MYZAP: variants seen among roughly 807,000 people sequenced by gnomAD.
MYZAP encodes the protein GRINL1A complex locus upstream.
Under a neutral mutation model 69.4 loss-of-function variants are expected in MYZAP, and 66 were observed. The observed-to-expected ratio is 0.95, with a 90% CI of 0.78 to 1.17. The LOEUF (loss-of-function observed/expected upper bound fraction) is 1.17, where lower values mean the gene tolerates loss of function less well. Ranked by LOEUF, MYZAP falls within the 50% of genes most tolerant of loss-of-function variation. The pLI, the probability that MYZAP is intolerant of heterozygous loss-of-function variation, is 0.00. For synonymous variants in MYZAP, 256 were observed against 205.9 expected, an observed-to-expected ratio of 1.24 and a Z score of -2.09; for missense variants, 611 against 556.2, an observed-to-expected ratio of 1.10 and a Z score of -0.99.
At chr15:57,661,360 G>A in intron 10 of MYZAP, 90 bp from the exon 11 acceptor site, 2 of 968,144 alleles carry the variant, frequency 2.1e-6, no homozygotes, top group South Asian at 1.5e-5. Flanking sequence ...AAAAATAAAT[G>A]AAAACCAAGG....
intron 6 of MYZAP, among the ~76,000 whole-genome samples, chr15:57,630,764 T>C (rs1284862019): frequency 6.6e-6 from 1 of 152,204 alleles, no homozygotes; most frequent in African/African-American, 2.4e-5. Context: ...ATGAATTCCT[T>C]TTTATGTAAG....
At chr15:57,679,340 T>TTTTGTGTGTG (rs573596736) in intron 12 of MYZAP, among the ~76,000 whole-genome samples, 3 of 125,512 alleles carry the variant, frequency 2.4e-5, no homozygotes, top group African/African-American at 5.8e-5. Flanking sequence ...TTTCACCTCT[T>TTTTGTGTGTG]TGTGTGTGTG....
chr15:57,592,412 C>T (rs2033734405), intron 1 of MYZAP, among the ~76,000 whole-genome samples: 1 of 152,186 alleles, frequency 6.6e-6, no homozygotes. Flanking sequence ...TGAAGGAAGA[C>T]ATTTGTGCAG....
chr15:57,658,885 T>A (rs574991521), intron 10 of MYZAP, among the ~76,000 whole-genome samples: 1 of 152,218 alleles, frequency 6.6e-6, no homozygotes, highest in Non-Finnish European at 1.5e-5. Flanking sequence ...GATTTTCTAA[T>A]TCTGTCATTC....
intron 4 of MYZAP, 131 bp downstream of exon 4, chr15:57,621,831 T>G: frequency 6.5e-6 from 5 of 773,894 alleles, no homozygotes; most frequent in African/African-American, 1.8e-5. Flanking sequence ...TTAAATAAAC[T>G]GAGAAAATTT....
rs540230263 is a variant in MYZAP, at chr15:57,612,804, C to G, written c.163-5229C>G. On this transcript the variant is annotated intron_variant, in intron 2 of 12. Coordinates refer to ENST00000267853, the MANE Select transcript of MYZAP (RefSeq NM_001018100.5). Reference sequence around the variant, plus strand: ...ATGGGGCCTGTAGGTAGAATTTATGCTGTGAGTACTCACAGGAAACAGCTT... The same window carrying G: ...ATGGGGCCTGTAGGTAGAATTTATGGTGTGAGTACTCACAGGAAACAGCTT... Among the ~76,000 whole-genome samples, 81 of 152,316 alleles carry G rather than the reference C, an allele frequency of 5.3e-4. 2 individuals carry two copies. Among genetic ancestry groups the G allele is most frequent in the Admixed American group, 2.4e-3 (37 of 15,302 alleles).
chr15:57,633,637 G>A lies in MYZAP; in HGVS notation c.829G>A (p.Ala277Thr). The A allele has an allele frequency of 6.2e-7, 1 of 1,613,118 alleles. No individual in the cohort carries two copies. Among genetic ancestry groups the A allele is most frequent in the Non-Finnish European group, 8.5e-7 (1 of 1,179,576 alleles). ...GGAAGAAACCAATAGTTTTCTGAAAGCGATTGAAGAAGCCAATAAAAAGAT... is the reference window on the plus strand; with the variant it reads ...GGAAGAAACCAATAGTTTTCTGAAAACGATTGAAGAAGCCAATAAAAAGAT... Reference protein sequence around the residue: ...LLEETNSFLKAIEEANKKMQA... With the variant: ...LLEETNSFLKTIEEANKKMQA... Residue 277 changes from alanine (A) to threonine (T), a missense_variant, in exon 8 of 13, where the codon GCG (alanine) becomes ACG (threonine). Physicochemically the swap from Ala to Thr is moderately conservative, Grantham distance 58. Transcript: ENST00000267853.
At chr15:57,655,375 A>C (rs1595916022) in intron 10 of MYZAP, among the ~76,000 whole-genome samples, 1 of 152,258 alleles carries the variant, frequency 6.6e-6, no homozygotes, top group East Asian at 1.9e-4. Context: ...AAAGTGGGAA[A>C]ATAGGGAGCA....
intron 10 of MYZAP, among the ~76,000 whole-genome samples, chr15:57,655,434 C>T (rs4774277): frequency 0.5 from 76,140 of 151,818 alleles, 19,788 homozygotes; most frequent in East Asian, 0.86. Context: ...ACATTAAAAG[C>T]GTAGGGGGTT....
intron 8 of MYZAP, among the ~76,000 whole-genome samples, chr15:57,635,059 G>C (rs1194221242): frequency 6.6e-6 from 1 of 152,156 alleles, no homozygotes; most frequent in African/African-American, 2.4e-5. Context: ...AGGGTGGTCT[G>C]GGGGAGATGC....
chr15:57,661,658 T>A, intron 11 of MYZAP, 125 bp downstream of exon 11: 2 of 814,420 alleles, frequency 2.5e-6, no homozygotes, highest in Non-Finnish European at 3.7e-6. Flanking sequence ...GATTGAGGGT[T>A]AAGTGCCAGC....
At chr15:57,598,166 C>T (rs1037127429) in intron 1 of MYZAP, among the ~76,000 whole-genome samples, 1 of 152,040 alleles carries the variant, frequency 6.6e-6, no homozygotes, top group African/African-American at 2.4e-5. Context: ...TTACTGGATC[C>T]GCAGAGTACC....
At chr15:57,650,140 T>C (rs1292060881) in intron 10 of MYZAP, among the ~76,000 whole-genome samples, 1 of 152,232 alleles carries the variant, frequency 6.6e-6, no homozygotes, top group Non-Finnish European at 1.5e-5. Flanking sequence ...CTTGTTTCTC[T>C]AATAGCATTG....
intron 12 of MYZAP, among the ~76,000 whole-genome samples, chr15:57,679,926 C>A (rs1311961185): frequency 1.3e-5 from 2 of 152,202 alleles, no homozygotes; most frequent in Admixed American, 1.3e-4. Flanking sequence ...AGTCTCTCCT[C>A]TTAGGAGTGA....
At chr15:57,646,503 A>G in intron 10 of MYZAP, 1 of 1,030,688 alleles carries the variant, frequency 9.7e-7, no homozygotes, top group African/African-American at 1.7e-5. Flanking sequence ...CTACTGAAAA[A>G]CCATTCAGAA....
At chr15:57,671,301 AT>A (rs2038855003) in intron 11 of MYZAP, among the ~76,000 whole-genome samples, 2 of 152,164 alleles carry the variant, frequency 1.3e-5, no homozygotes, top group South Asian at 4.1e-4. Flanking sequence ...GCTCCTGTAT[AT>A]AACAGGTTGC....
chr15:57,603,577 A>G (rs2034553863), intron 1 of MYZAP, among the ~76,000 whole-genome samples: 1 of 152,218 alleles, frequency 6.6e-6, no homozygotes, highest in African/African-American at 2.4e-5. Flanking sequence ...AAGTAGAATC[A>G]TACAGTATTT....
chr15:57,592,164 C>T (rs1466025168), intron 1 of MYZAP, 55 bp downstream of exon 1: 1 of 1,260,708 alleles, frequency 7.9e-7, no homozygotes. Context: ...CCGGCCGCCC[C>T]CTCTAGAGGG....
rs763856721 is a variant in MYZAP, at chr15:57,616,822, CTTTTTTTTTTTTT to C, written c.163-1198_163-1186del. Among the ~76,000 whole-genome samples, 193 of 50,070 alleles carry C rather than the reference CTTTTTTTTTTTTT, an allele frequency of 3.9e-3. 6 individuals are homozygous for C. The highest frequency in any genetic ancestry group is 0.017 in the Middle Eastern group (1 of 60). The allele number at this position is 50,070 out of a possible 152,430, so 32.8% of individuals were successfully genotyped here. On this transcript the variant is annotated intron_variant, in intron 2 of 12. Transcript: ENST00000267853. ...GAGACTCCATCTAAAAAAAAAAGTG[CTTTTTTTTTTTTT>C]TTTTTTTTTTTTGTGAATACATGGC... is the stretch of plus-strand genomic sequence containing the variant.
Sources: gnomAD v4.1 joint callset for allele counts (sites outside exome capture counted in the v4.1 genomes callset) on GRCh38, gnomAD v4.1.1 for gene constraint, MANE v1.5 for transcripts, NCBI Gene and HGNC (gene_info 2026-07-23, HGNC 2026-07-21) for gene names.